Variants in HECW2 observed in about 807,000 individuals in gnomAD.
HECW2 encodes the protein E3 ubiquitin-protein ligase HECW2.
Under a neutral mutation model 175.2 loss-of-function variants are expected in HECW2, and 61 were observed. That is an observed-to-expected ratio of 0.35 (90% CI 0.28 to 0.43). The LOEUF is 0.43. HECW2 is among the 20% of genes least tolerant of loss of function. HECW2 has a pLI of 1.00. For missense variants in HECW2, 1,524 were observed against 2,000.5 expected, an observed-to-expected ratio of 0.76 and a Z score of 4.54; for synonymous variants, 671 against 731.0, an observed-to-expected ratio of 0.92 and a Z score of 1.32.
chr2:196,467,861 T>C (rs1473824171), intron 1 of HECW2, among the ~76,000 whole-genome samples: 3 of 152,222 alleles, frequency 2.0e-5, no homozygotes, highest in African/African-American at 4.8e-5. Flanking sequence ...TAAGTGTCCA[T>C]GTTACAAAAT....
intron 1 of HECW2, among the ~76,000 whole-genome samples, chr2:196,564,500 T>C (rs923367286): frequency 2.6e-5 from 4 of 152,204 alleles, no homozygotes; most frequent in African/African-American, 9.6e-5. Context: ...TTTAATGGTA[T>C]CTATAACTTA....
At chr2:196,414,835 C>A (rs1261519385) in intron 2 of HECW2, among the ~76,000 whole-genome samples, 3 of 152,198 alleles carry the variant, frequency 2.0e-5, no homozygotes, top group Non-Finnish European at 4.4e-5. Context: ...GTCAGCACAG[C>A]CCCTCTCACT....
At chr2:196,261,890 G>C (rs1689308346) in intron 17 of HECW2, among the ~76,000 whole-genome samples, 1 of 152,140 alleles carries the variant, frequency 6.6e-6, no homozygotes. Flanking sequence ...TAACAGATGT[G>C]ACTCTTACAA....
Position 196,353,136 on chromosome 2 carries a change from C to T in HECW2, c.293-9372G>A, listed in dbSNP as rs113969985. 6.3e-3 allele frequency among the ~76,000 whole-genome samples: 954 copies of T among 152,274 alleles called. 4 individuals carry two copies. The highest frequency in any genetic ancestry group is 0.011 in the Non-Finnish European group (747 of 68,028). On this transcript the variant is annotated intron_variant, in intron 2 of 28. Transcript: ENST00000644978. ...TACCCCCTTCCAGCCACATTGACCT[C>T]CCTGATGTCCCCAAAGGTGTGGTCA...
intron 1 of HECW2, among the ~76,000 whole-genome samples, chr2:196,584,824 C>T (rs1425398302): frequency 1.3e-5 from 2 of 152,206 alleles, no homozygotes; most frequent in Non-Finnish European, 2.9e-5. Context: ...AGTTACACAA[C>T]ATTCTCTGCC....
intron 2 of HECW2, among the ~76,000 whole-genome samples, chr2:196,377,186 A>G (rs1465661972): frequency 6.6e-6 from 1 of 152,220 alleles, no homozygotes; most frequent in Non-Finnish European, 1.5e-5. Flanking sequence ...TAATGAGTAA[A>G]TTCTGAGAAT....
Position 196,198,471 on chromosome 2 carries a change from A to C in HECW2, c.*2806T>G, listed in dbSNP as rs1287618494. 2 of 152,214 alleles carry C rather than the reference A, an allele frequency of 1.3e-5. No individual in the cohort carries two copies. The highest frequency in any genetic ancestry group is 4.8e-5 in the African/African-American group (2 of 41,464). The allele number at this position is 152,214 out of a possible 1,614,324, so 9.4% of individuals were successfully genotyped here. ...TTAAAAACACTTTTTTGAACCTTGGAGTCTACTCTACTACACTGTGAGCTG... is the reference window on the plus strand; with the variant it reads ...TTAAAAACACTTTTTTGAACCTTGGCGTCTACTCTACTACACTGTGAGCTG... On this transcript the variant is annotated 3_prime_UTR_variant, in exon 29 of 29. Coordinates refer to ENST00000644978, the MANE Select transcript of HECW2 (RefSeq NM_001348768.2).
At chr2:196,219,329 C>T (rs1687583711) in intron 26 of HECW2, among the ~76,000 whole-genome samples, 1 of 152,138 alleles carries the variant, frequency 6.6e-6, no homozygotes, top group South Asian at 2.1e-4. Context: ...TTAATAAAAC[C>T]TTAACTCTGG....
In HECW2 at chr2:196,209,757, C is replaced by CTTTTTTTT. The variant is rs1365319286; in HGVS notation, c.4607+6107_4607+6108insAAAAAAAA. On this transcript the variant is annotated intron_variant, in intron 28 of 28. Coordinates refer to ENST00000644978, the MANE Select transcript of HECW2 (RefSeq NM_001348768.2). The stretch of plus-strand genomic sequence containing the variant: ...TCTCTTGTTCTGATGGTTTTTCTTT[C>CTTTTTTTT]TTTCTTTCTTTTTTTTTTTTTTTTG... Among the ~76,000 whole-genome samples the CTTTTTTTT allele has an allele frequency of 3.7e-4, 53 of 142,424 alleles. 1 individual carries two copies. Among genetic ancestry groups the CTTTTTTTT allele is most frequent in the African/African-American group, 1.4e-3 (51 of 37,634 alleles). The allele number at this position is 142,424 out of a possible 152,430, so 93.4% of individuals were successfully genotyped here. A position where few individuals can be genotyped will look rare whatever the true frequency, so the allele number is the denominator to read the frequency against.
intron 17 of HECW2, among the ~76,000 whole-genome samples, chr2:196,259,501 C>A (rs1408981979): frequency 6.6e-6 from 1 of 152,158 alleles, no homozygotes; most frequent in East Asian, 1.9e-4. Flanking sequence ...ATAGATGAAG[C>A]AGCTAATCTT....
chr2:196,400,941 T>C (rs535603956), intron 2 of HECW2, among the ~76,000 whole-genome samples: 11 of 152,340 alleles, frequency 7.2e-5, no homozygotes, highest in South Asian at 2.1e-4. Flanking sequence ...CTGTGATATA[T>C]GCCCTAATCA....
chr2:196,409,459 C>G (rs1323313848), intron 2 of HECW2, among the ~76,000 whole-genome samples: 1 of 152,128 alleles, frequency 6.6e-6, no homozygotes, highest in African/African-American at 2.4e-5. Flanking sequence ...CTCCAGGAAC[C>G]AAAAGCTGGG....
chr2:196,569,371 CTAAAA>C (rs1553538700), intron 1 of HECW2, among the ~76,000 whole-genome samples: 1 of 144,208 alleles, frequency 6.9e-6, no homozygotes, highest in African/African-American at 2.9e-5. Context: ...CTAAACTAAA[CTAAAA>C]TAAAATAAAA....
rs1430521060 is a variant in HECW2 at position 196,196,434 on chromosome 2, C to CA, written c.*4842dup. On this transcript the variant is annotated 3_prime_UTR_variant, in exon 29 of 29. Transcript: ENST00000644978. ...CTAAAAGTGACATTCTCATCAAACT[C>CA]ACGGCAGTAAGATGGAAGTAAAATG... is the stretch of plus-strand genomic sequence containing the variant. The CA allele has an allele frequency of 6.6e-6, 1 of 152,160 alleles. No individual in the cohort carries two copies. Among genetic ancestry groups the CA allele is most frequent in the Non-Finnish European group, 1.5e-5 (1 of 68,022 alleles). The allele number at this position is 152,160 out of a possible 1,614,324, so 9.4% of individuals were successfully genotyped here.
At chr2:196,332,633 G>A (rs115906142) in intron 4 of HECW2, among the ~76,000 whole-genome samples, 1 of 152,094 alleles carries the variant, frequency 6.6e-6, no homozygotes, top group African/African-American at 2.4e-5. Context: ...AACTCCCACT[G>A]CCTTCAATGA....
chr2:196,486,643 C>G (rs1244119578), intron 1 of HECW2, among the ~76,000 whole-genome samples: 2 of 152,084 alleles, frequency 1.3e-5, no homozygotes, highest in Admixed American at 1.3e-4. Context: ...AATGAAGCTC[C>G]CTTAATTATT....
chr2:196,304,858 T>C (rs1691201086), intron 13 of HECW2, among the ~76,000 whole-genome samples: 1 of 152,202 alleles, frequency 6.6e-6, no homozygotes, highest in Admixed American at 6.5e-5. Context: ...CCGAATTGCT[T>C]ACAATACTAA....
chr2:196,553,458 C>G (rs1047433065), intron 1 of HECW2, among the ~76,000 whole-genome samples: 2 of 152,204 alleles, frequency 1.3e-5, no homozygotes, highest in African/African-American at 4.8e-5. Context: ...AACAGATATG[C>G]ATGCCACTGC....
At position 196,357,732 on chromosome 2, in the gene HECW2, T is replaced by C. The variant is rs913800787; in HGVS notation, c.293-13968A>G. Among the ~76,000 whole-genome samples the C allele has an allele frequency of 2.6e-5, 4 of 152,292 alleles. No individual in the cohort carries two copies. The South Asian group carries it at 8.3e-4, about 32-fold the overall frequency. ...GGTTCTCTCCATGCTGTTCTCATGA[T>C]AGCAAGTGAGTTCTCATGAGATCTG... On this transcript the variant is annotated intron_variant, in intron 2 of 28. Transcript: ENST00000644978.
Sources: allele counts gnomAD v4.1 joint callset (sites outside exome capture counted in the v4.1 genomes callset), GRCh38; gene constraint gnomAD v4.1.1; transcripts MANE v1.5; gene names NCBI Gene and HGNC (gene_info 2026-07-23, HGNC 2026-07-21).